Variants in CNTN4 observed in about 807,000 individuals in gnomAD.
CNTN4 encodes contactin-4.
A neutral mutation model predicts 122.5 loss-of-function variants in CNTN4; 77 were observed. The ratio of observed to expected loss-of-function variants is 0.63; its 90% confidence interval spans 0.52 to 0.76. The LOEUF is 0.76. CNTN4 is among the 30% of genes least tolerant of loss of function. The pLI, the probability that CNTN4 is intolerant of heterozygous loss-of-function variation, is 0.00. For missense variants in CNTN4, 1,256 were observed against 1,259.1 expected (o/e 1.00, Z 0.04); for synonymous variants, 512 against 447.0 (o/e 1.15, Z -1.83).
intron 8 of CNTN4, among the ~76,000 whole-genome samples, chr3:2,880,968 C>T (rs2093902335): frequency 6.6e-6 from 1 of 152,086 alleles, no homozygotes; most frequent in Non-Finnish European, 1.5e-5. Flanking sequence ...GAAATTAATA[C>T]CCAGATTAAG....
At chr3:2,373,371 C>T (rs778659125) in intron 3 of CNTN4, among the ~76,000 whole-genome samples, 14 of 152,202 alleles carry the variant, frequency 9.2e-5, no homozygotes, top group Non-Finnish European at 2.1e-4. Context: ...GGGAGGACTG[C>T]TTTTCTGTAC....
At chr3:2,514,245 T>C (rs758592162) in intron 3 of CNTN4, among the ~76,000 whole-genome samples, 6 of 152,160 alleles carry the variant, frequency 3.9e-5, no homozygotes, top group Non-Finnish European at 7.3e-5. Context: ...GCAGGACCTC[T>C]GCACACAAAT....
At chr3:2,995,995 AT>A (rs1464733500) in intron 14 of CNTN4, among the ~76,000 whole-genome samples, 1 of 152,188 alleles carries the variant, frequency 6.6e-6, no homozygotes, top group Non-Finnish European at 1.5e-5. Flanking sequence ...ATATGGTATC[AT>A]TTTATTTAAT....
chr3:2,886,796 G>C (rs2093984236), intron 9 of CNTN4, among the ~76,000 whole-genome samples: 2 of 152,136 alleles, frequency 1.3e-5, no homozygotes, highest in South Asian at 4.1e-4. Context: ...TTACAGATGT[G>C]AGCCATTGCA....
At position 2,957,584 on chromosome 3, in the gene CNTN4, C is replaced by T. The variant is rs191417031; in HGVS notation, c.1359-30761C>T. Among the ~76,000 whole-genome samples, 7 of 152,264 alleles carry T rather than the reference C, an allele frequency of 4.6e-5. No homozygotes were observed. The East Asian group carries it at 1.4e-3, about 29-fold the overall frequency. ...ACCTAATAGGTAGTTTTTCAGCTCA[C>T]ATCCCCTCCCCACCTTCCCCACTCT... is the stretch of plus-strand genomic sequence containing the variant. On this transcript the variant is annotated intron_variant, in intron 13 of 24. Transcript: ENST00000418658.
At chr3:2,443,519 G>A (rs1360304455) in intron 3 of CNTN4, among the ~76,000 whole-genome samples, 1 of 152,130 alleles carries the variant, frequency 6.6e-6, no homozygotes, top group Non-Finnish European at 1.5e-5. Flanking sequence ...GAGTCTGATG[G>A]CCTCTTGTAA....
intron 13 of CNTN4, among the ~76,000 whole-genome samples, chr3:2,939,954 A>G (rs1013998983): frequency 6.6e-6 from 1 of 152,232 alleles, no homozygotes; most frequent in Non-Finnish European, 1.5e-5. Flanking sequence ...AAATAGGCCC[A>G]CTTCAAGGGC....
intron 4 of CNTN4, among the ~76,000 whole-genome samples, chr3:2,656,111 A>G (rs1028812355): frequency 1.3e-5 from 2 of 152,222 alleles, no homozygotes; most frequent in Non-Finnish European, 2.9e-5. Flanking sequence ...GAAGAGTAGC[A>G]CCATGCATCC....
chr3:2,763,335 G>A (rs556804480), intron 6 of CNTN4, among the ~76,000 whole-genome samples: 230 of 152,182 alleles, frequency 1.5e-3, no homozygotes, highest in Non-Finnish European at 2.5e-3. Context: ...TTTTAAAGTG[G>A]TGGTTTTTTC....
intron 13 of CNTN4, among the ~76,000 whole-genome samples, chr3:2,930,283 A>T (rs1378874530): frequency 6.6e-6 from 1 of 152,170 alleles, no homozygotes; most frequent in South Asian, 2.1e-4. Flanking sequence ...ATTTATCTCC[A>T]CAGAAAAGGA....
rs867398468 is a variant in CNTN4, at chr3:2,704,320, A to C, written c.56-31895A>C. On this transcript the variant is annotated intron_variant, in intron 4 of 24. Coordinates refer to ENST00000418658, the MANE Select transcript of CNTN4 (RefSeq NM_175607.3). The stretch of plus-strand genomic sequence containing the variant: ...TCAAAAAAAAAAAAAAAAAAAAAAA[A>C]AGTTGATCTGGAACACATGCCCTCT... Among the ~76,000 whole-genome samples, 6 of 134,944 alleles carry C rather than the reference A, an allele frequency of 4.4e-5. No individual in the cohort carries two copies. In the South Asian group the frequency reaches 1.4e-3, roughly 32 times the overall value. The allele number at this position is 134,944 out of a possible 152,430, so 88.5% of individuals were successfully genotyped here. A position where few individuals can be genotyped will look rare whatever the true frequency, so the allele number is the denominator to read the frequency against.
chr3:2,799,883 A>G (rs966960605), intron 6 of CNTN4, among the ~76,000 whole-genome samples: 2 of 152,068 alleles, frequency 1.3e-5, no homozygotes, highest in Non-Finnish European at 2.9e-5. Flanking sequence ...CATTTACTGA[A>G]TAGGGTATGC....
chr3:2,524,772 CA>C (rs1286203543), intron 3 of CNTN4, among the ~76,000 whole-genome samples: 1 of 151,544 alleles, frequency 6.6e-6, no homozygotes, highest in South Asian at 2.1e-4. Context: ...TTCTGTTCTG[CA>C]AAAAAAGAGT....
At chr3:2,104,774 T>C (rs892497673) in intron 2 of CNTN4, among the ~76,000 whole-genome samples, 5 of 152,190 alleles carry the variant, frequency 3.3e-5, no homozygotes, top group Non-Finnish European at 7.3e-5. Context: ...GGTAAATAAC[T>C]AGCCAGTCTT....
chr3:2,856,435 G>A (rs2093618996), intron 7 of CNTN4, among the ~76,000 whole-genome samples: 1 of 152,206 alleles, frequency 6.6e-6, no homozygotes, highest in African/African-American at 2.4e-5. Context: ...TGAGAAGAGA[G>A]TGCACAAGCC....
chr3:2,893,505 G>T (rs1002206725), intron 10 of CNTN4, among the ~76,000 whole-genome samples: 3 of 152,122 alleles, frequency 2.0e-5, no homozygotes, highest in African/African-American at 7.2e-5. Context: ...TTAAGATAAA[G>T]TCAACAATTT....
chr3:2,335,251 G>T (rs147806278), intron 2 of CNTN4, among the ~76,000 whole-genome samples: 1 of 151,946 alleles, frequency 6.6e-6, no homozygotes, highest in Non-Finnish European at 1.5e-5. Context: ...TTAGGATAGC[G>T]GGTACAAGTT....
At chr3:2,569,629 A>T (rs1381349794) in intron 3 of CNTN4, among the ~76,000 whole-genome samples, 1 of 152,138 alleles carries the variant, frequency 6.6e-6, no homozygotes, top group Non-Finnish European at 1.5e-5. Flanking sequence ...AAGAAGTTTC[A>T]TTTACTTAAC....
chr3:2,556,125 CT>C (rs1011456289), intron 3 of CNTN4, among the ~76,000 whole-genome samples: 1 of 152,042 alleles, frequency 6.6e-6, no homozygotes, highest in Non-Finnish European at 1.5e-5. Flanking sequence ...TAATTTTAGA[CT>C]TTTTTTAAAA....
Sources: gnomAD v4.1 joint callset for allele counts (sites outside exome capture counted in the v4.1 genomes callset) on GRCh38, gnomAD v4.1.1 for gene constraint, MANE v1.5 for transcripts, NCBI Gene and HGNC (gene_info 2026-07-23, HGNC 2026-07-21) for gene names.